ADAMTS12: variants seen among roughly 807,000 people sequenced by gnomAD.
ADAMTS12 encodes A disintegrin and metalloproteinase with thrombospondin motifs 12.
Under a neutral mutation model 167.8 loss-of-function variants are expected in ADAMTS12, and 118 were observed. The observed-to-expected ratio is 0.70, with a 90% CI of 0.61 to 0.82. ADAMTS12 has a LOEUF of 0.82. ADAMTS12 is among the 40% of genes least tolerant of loss of function. The pLI is 0.00. For missense variants in ADAMTS12, 1,916 were observed against 1,998.8 expected, an observed-to-expected ratio of 0.96 and a Z score of 0.79; for synonymous variants, 704 against 716.9, an observed-to-expected ratio of 0.98 and a Z score of 0.29.
chr5:33,741,530 C>A lies in ADAMTS12; in HGVS notation c.634+9874G>T, dbSNP rs142120418. ...TCCTGGGGGTCAGGGCTTCAACATA[C>A]GGATTTTGGGGAGGACACCATTTAG... is the stretch of plus-strand genomic sequence containing the variant. On this transcript the variant is annotated intron_variant, in intron 3 of 23. Transcript: ENST00000504830. 2.5e-3 allele frequency among the ~76,000 whole-genome samples: 380 copies of A among 152,284 alleles called. 2 individuals are homozygous for A. The highest frequency in any genetic ancestry group is 8.8e-3 in the African/African-American group (364 of 41,550).
At chr5:33,708,000 T>G (rs1743259671) in intron 3 of ADAMTS12, among the ~76,000 whole-genome samples, 4 of 152,158 alleles carry the variant, frequency 2.6e-5, no homozygotes, top group African/African-American at 9.7e-5. Flanking sequence ...ATCATCAGAA[T>G]GAGCAGGCAA....
intron 14 of ADAMTS12, among the ~76,000 whole-genome samples, chr5:33,617,662 A>C (rs4574547): frequency 0.1 from 15,186 of 152,206 alleles, 1,218 homozygotes; most frequent in East Asian, 0.37. Context: ...GAGTGTTGCT[A>C]TCTGCAGTCA....
In ADAMTS12 at chr5:33,588,631, G is replaced by A. The variant is rs1747479575; in HGVS notation, c.2833C>T (p.Pro945Ser). 1.9e-6 allele frequency: 3 copies of A among 1,614,144 alleles called. No individual in the cohort carries two copies. The highest frequency in any genetic ancestry group is 2.5e-6 in the Non-Finnish European group (3 of 1,180,036). ...LLSCNRDILC[P>S]SDWTVGNWSE... ...CAGTTGCCCACTGTCCAGTCCGAGG[G>A]GCACAGGATGTCTCTGTTGCAGGAA... The change falls in exon 18 of 24, where the codon CCC becomes TCC. Residue 945 changes from proline to serine, a missense_variant. By Grantham distance (74) the Pro-to-Ser change is moderately conservative. Transcript: ENST00000504830.
intron 14 of ADAMTS12, among the ~76,000 whole-genome samples, chr5:33,623,790 T>C (rs1225783036): frequency 6.6e-6 from 1 of 152,194 alleles, no homozygotes; most frequent in Non-Finnish European, 1.5e-5. Flanking sequence ...GTAAACCCAT[T>C]GCTGGCTTCT....
chr5:33,610,390 C>T (rs1738673899), intron 16 of ADAMTS12, among the ~76,000 whole-genome samples: 1 of 152,156 alleles, frequency 6.6e-6, no homozygotes, highest in African/African-American at 2.4e-5. Flanking sequence ...AAACCAGTTT[C>T]ACAAACATAG....
At chr5:33,836,690 C>A (rs1748540716) in intron 2 of ADAMTS12, among the ~76,000 whole-genome samples, 1 of 152,038 alleles carries the variant, frequency 6.6e-6, no homozygotes, top group African/African-American at 2.4e-5. Flanking sequence ...AACCCAGCAG[C>A]TCTCGGAGGA....
At chr5:33,579,532 C>T (rs975319736) in intron 18 of ADAMTS12, among the ~76,000 whole-genome samples, 4 of 149,762 alleles carry the variant, frequency 2.7e-5, no homozygotes, top group African/African-American at 9.8e-5. Context: ...GTTAGCTTTA[C>T]TTGTACACTT....
At chr5:33,861,536 T>C (rs139859956) in intron 2 of ADAMTS12, among the ~76,000 whole-genome samples, 1 of 152,126 alleles carries the variant, frequency 6.6e-6, no homozygotes. Context: ...AGCAAGTTCT[T>C]AGAGACCTAC....
chr5:33,712,565 T>A (rs1389792062), intron 3 of ADAMTS12, among the ~76,000 whole-genome samples: 1 of 152,110 alleles, frequency 6.6e-6, no homozygotes, highest in Admixed American at 6.6e-5. Context: ...AGTGAAGTAG[T>A]TACTATAGGT....
At chr5:33,796,980 C>G (rs1319938472) in intron 2 of ADAMTS12, among the ~76,000 whole-genome samples, 1 of 152,188 alleles carries the variant, frequency 6.6e-6, no homozygotes, top group Non-Finnish European at 1.5e-5. Context: ...CTTGACTTCT[C>G]TCCAACTACT....
intron 3 of ADAMTS12, among the ~76,000 whole-genome samples, chr5:33,745,362 C>T (rs552783830): frequency 1.4e-4 from 22 of 152,270 alleles, no homozygotes; most frequent in Admixed American, 1.0e-3. Context: ...TGCCAGAGAG[C>T]TTAGATAGTG....
At position 33,546,166 on chromosome 5, in the gene ADAMTS12, C is replaced by T. The variant is rs1744974446; in HGVS notation, c.4339G>A (p.Gly1447Arg). Residue 1447 changes from glycine (G) to arginine (R), a missense_variant, in exon 22 of 24, where the codon GGA becomes AGA. Transcript: ENST00000504830. ...CAGAGGCCTCCTGGACAGAACACTC[C>T]TCTCTCCTGAACTCCACCTCCACAG... The part of the protein sequence containing the change: ...RSCGGGVQER[G>R]VFCPGGLCDW... 1 of 1,613,948 alleles carries T rather than the reference C, an allele frequency of 6.2e-7. No individual in the cohort carries two copies. Among genetic ancestry groups the T allele is most frequent in the Non-Finnish European group, 8.5e-7 (1 of 1,179,952 alleles).
chr5:33,602,903 G>A (rs976512879), intron 16 of ADAMTS12, among the ~76,000 whole-genome samples: 2 of 152,176 alleles, frequency 1.3e-5, no homozygotes, highest in Non-Finnish European at 2.9e-5. Flanking sequence ...TTGTAGGCAT[G>A]GTCTTTGCAG....
chr5:33,714,068 A>G (rs998119456), intron 3 of ADAMTS12, among the ~76,000 whole-genome samples: 1 of 152,140 alleles, frequency 6.6e-6, no homozygotes, highest in African/African-American at 2.4e-5. Context: ...CAATTCAACA[A>G]TTAGAGTCTT....
chr5:33,858,390 C>T (rs988713604), intron 2 of ADAMTS12, among the ~76,000 whole-genome samples: 2 of 152,240 alleles, frequency 1.3e-5, no homozygotes, highest in Non-Finnish European at 2.9e-5. Flanking sequence ...GGTGTGCTGG[C>T]TCACGCCTAT....
intron 19 of ADAMTS12, among the ~76,000 whole-genome samples, chr5:33,563,053 T>A (rs937329110): frequency 6.6e-6 from 1 of 152,198 alleles, no homozygotes; most frequent in Non-Finnish European, 1.5e-5. Context: ...AAGTAGAAAT[T>A]ATTTTCTACT....
intron 16 of ADAMTS12, among the ~76,000 whole-genome samples, chr5:33,598,294 C>G (rs769781816): frequency 5.9e-5 from 9 of 152,198 alleles, no homozygotes; most frequent in Non-Finnish European, 1.0e-4. Flanking sequence ...GGTCGACCCC[C>G]TGACATTATA....
intron 2 of ADAMTS12, among the ~76,000 whole-genome samples, chr5:33,846,498 T>C (rs1160811829): frequency 1.3e-5 from 2 of 152,224 alleles, no homozygotes; most frequent in Non-Finnish European, 2.9e-5. Context: ...CAAGCTCAAA[T>C]GCTCATCTTC....
rs373164856 is a variant in ADAMTS12, at chr5:33,849,591, C to T, written c.489+31528G>A. ...CACATGTGTATTGCATAGCAATACA[C>T]ATATGTATTGCATAGCAATATATAT... On this transcript the variant is annotated intron_variant, in intron 2 of 23. Transcript: ENST00000504830. 9.9e-3 allele frequency among the ~76,000 whole-genome samples: 673 copies of T among 68,316 alleles called. 14 individuals carry two copies. Among genetic ancestry groups the T allele is most frequent in the Admixed American group, 0.013 (89 of 6,610 alleles). The allele number at this position is 68,316 out of a possible 152,430, so 44.8% of individuals were successfully genotyped here. A position where few individuals can be genotyped will look rare whatever the true frequency, so the allele number is the denominator to read the frequency against.
Sources: gnomAD v4.1 joint callset for allele counts (sites outside exome capture counted in the v4.1 genomes callset) on GRCh38, gnomAD v4.1.1 for gene constraint, MANE v1.5 for transcripts, NCBI Gene and HGNC (gene_info 2026-07-23, HGNC 2026-07-21) for gene names.